Variants in CAST observed in about 807,000 individuals in gnomAD.
The protein encoded by CAST is MIR583 host.
CAST carries 76 observed loss-of-function variants against 119.6 expected under a neutral mutation model. The observed-to-expected ratio is 0.64, with a 90% CI of 0.53 to 0.77. CAST has a LOEUF of 0.77. Among genes scored for constraint, CAST ranks in the 30% least tolerant of loss-of-function variants. The probability of loss-of-function intolerance (pLI) is 0.00; values close to 1 mark genes in which losing one functional copy is unlikely to be tolerated. For missense variants in CAST, 953 were observed against 946.5 expected, an observed-to-expected ratio of 1.01 and a Z score of -0.09; for synonymous variants, 319 against 331.6, an observed-to-expected ratio of 0.96 and a Z score of 0.41.
chr5:96,438,500 C>T, the CAST span, among the ~76,000 whole-genome samples: 1 of 152,140 alleles, frequency 6.6e-6, no homozygotes, highest in African/African-American at 2.4e-5. Context: ...GATATTTTAT[C>T]TTTGTCTCTC....
At chr5:96,002,179 C>T in the CAST span, among the ~76,000 whole-genome samples, 21 of 152,310 alleles carry the variant, frequency 1.4e-4, no homozygotes, top group Admixed American at 7.8e-4. Flanking sequence ...TTATACCATG[C>T]GTTTTGAAAA....
At chr5:96,198,831 A>T in the CAST span, among the ~76,000 whole-genome samples, 1 of 152,034 alleles carries the variant, frequency 6.6e-6, no homozygotes, top group Non-Finnish European at 1.5e-5. Flanking sequence ...AGTAAACTAC[A>T]TTTTTATGAC....
At chr5:96,258,200 C>T in the CAST span, among the ~76,000 whole-genome samples, 1 of 152,180 alleles carries the variant, frequency 6.6e-6, no homozygotes, top group Non-Finnish European at 1.5e-5. Context: ...CAATAGTTCA[C>T]TTTCTGAGAG....
chr5:96,015,478 G>A, the CAST span, among the ~76,000 whole-genome samples: 6 of 151,882 alleles, frequency 4.0e-5, no homozygotes, highest in African/African-American at 1.5e-4. Flanking sequence ...TTTCCTAGTG[G>A]CTAACTCACT....
intron 25 of CAST, 103 bp downstream of exon 25, chr5:96,762,475 T>C: frequency 1.4e-6 from 1 of 727,914 alleles, no homozygotes; most frequent in Non-Finnish European, 2.2e-6. Context: ...GCAGAATTAT[T>C]AGGAAGATCA....
At chr5:96,144,464 C>CGCT in the CAST span, among the ~76,000 whole-genome samples, 56 of 152,258 alleles carry the variant, frequency 3.7e-4, no homozygotes, top group East Asian at 9.3e-3. Flanking sequence ...CCTGTTTAGC[C>CGCT]GCTGCTATTT....
Position 96,771,602 on chromosome 5 carries a change from A to G in CAST, c.2341-42A>G, listed in dbSNP as rs1443188457. On this transcript the variant is annotated intron_variant, in intron 30 of 31. Coordinates refer to ENST00000675179, the MANE Select transcript of CAST (RefSeq NM_001750.7). ...AGAAGGCCATCTCCTCATACTTAATACAGAAAAGAAAGCTCACGGATGGTT... is the reference window on the plus strand; with the variant it reads ...AGAAGGCCATCTCCTCATACTTAATGCAGAAAAGAAAGCTCACGGATGGTT... The G allele has an allele frequency of 3.2e-6, 5 of 1,564,598 alleles. No homozygotes were observed. In the East Asian group the frequency reaches 1.1e-4, roughly 35 times the overall value.
intron 1 of CAST, among the ~76,000 whole-genome samples, chr5:96,581,405 C>T (rs914643575): frequency 1.3e-5 from 2 of 152,140 alleles, no homozygotes; most frequent in Non-Finnish European, 2.9e-5. Flanking sequence ...GGAAAATAGT[C>T]ACCATCATAA....
the CAST span, among the ~76,000 whole-genome samples, chr5:96,130,366 G>A: frequency 6.6e-6 from 1 of 151,350 alleles, no homozygotes; most frequent in African/African-American, 2.4e-5. Context: ...CTGAGAAATT[G>A]TCACAGCACA....
At chr5:96,213,582 G>T in the CAST span, 41,578 of 152,004 alleles carry the variant, frequency 0.27, 5,845 homozygotes, top group East Asian at 0.32. Context: ...CCAGGAGTTT[G>T]AGAGCAGCTT....
chr5:96,691,996 A>AT (rs1250998818), intron 2 of CAST, among the ~76,000 whole-genome samples: 12 of 152,084 alleles, frequency 7.9e-5, no homozygotes, highest in Non-Finnish European at 1.6e-4. Flanking sequence ...TCAGTAAAAA[A>AT]TTTTTTCTCT....
the CAST span, chr5:95,961,704 T>G: frequency 6.2e-7 from 1 of 1,605,254 alleles, no homozygotes. Flanking sequence ...GCAGGCCCCC[T>G]GTCCCCCCCG....
the CAST span, among the ~76,000 whole-genome samples, chr5:96,089,807 C>T: frequency 6.6e-6 from 1 of 152,148 alleles, no homozygotes; most frequent in East Asian, 1.9e-4. Flanking sequence ...TTCTCTTGTG[C>T]ATATAATTAT....
At chr5:96,669,301 C>A (rs1478796536) in intron 1 of CAST, among the ~76,000 whole-genome samples, 3 of 152,124 alleles carry the variant, frequency 2.0e-5, no homozygotes, top group Non-Finnish European at 2.9e-5. Flanking sequence ...TGGGAAATAC[C>A]AATTTGCACA....
chr5:96,632,297 A>G (rs143805324), intron 1 of CAST, among the ~76,000 whole-genome samples: 299 of 151,408 alleles, frequency 2.0e-3, no homozygotes, highest in African/African-American at 7.1e-3. Context: ...CCATTCTATG[A>G]GTTGTCTTCT....
chr5:95,983,709 T>G, the CAST span, among the ~76,000 whole-genome samples: 3 of 152,192 alleles, frequency 2.0e-5, no homozygotes, highest in African/African-American at 7.2e-5. Context: ...GTGTACATAT[T>G]TATATATGCT....
At chr5:96,699,619 A>C (rs1333990655) in intron 3 of CAST, among the ~76,000 whole-genome samples, 1 of 152,200 alleles carries the variant, frequency 6.6e-6, no homozygotes, top group Non-Finnish European at 1.5e-5. Flanking sequence ...AGCAGCCTGC[A>C]CACGTTGCTC....
chr5:96,432,109 A>G, the CAST span: 1 of 1,535,422 alleles, frequency 6.5e-7, no homozygotes, highest in Non-Finnish European at 8.7e-7. Context: ...AAAGAAATAG[A>G]TCCCTTCCCC....
the CAST span, among the ~76,000 whole-genome samples, chr5:96,355,913 G>T: frequency 6.6e-6 from 1 of 152,030 alleles, no homozygotes; most frequent in East Asian, 1.9e-4. Flanking sequence ...TTTTGGCCAG[G>T]ATGTTCTCGA....
Sources: gnomAD v4.1 joint callset for allele counts (sites outside exome capture counted in the v4.1 genomes callset) on GRCh38, gnomAD v4.1.1 for gene constraint, MANE v1.5 for transcripts, NCBI Gene and HGNC (gene_info 2026-07-23, HGNC 2026-07-21) for gene names.